The following NCSTN variants were observed in gnomAD, a reference collection of about 807,000 sequenced individuals.
The protein encoded by NCSTN is nicastrin.
In NCSTN, 22 loss-of-function variants were observed where a neutral mutation model predicts 87.0. The observed-to-expected ratio is 0.25, with a 90% CI of 0.18 to 0.36. NCSTN has a LOEUF of 0.36. NCSTN is among the 10% of genes least tolerant of loss of function. The pLI, the probability that NCSTN is intolerant of heterozygous loss-of-function variation, is 1.00. For synonymous variants in NCSTN, 306 were observed against 327.1 expected, an observed-to-expected ratio of 0.94 and a Z score of 0.69; for missense variants, 693 against 883.3, an observed-to-expected ratio of 0.78 and a Z score of 2.73.
At chr1:160,351,153 C>T (rs1648814967) in intron 5 of NCSTN, 69 bp from the exon 6 acceptor site, 1 of 1,553,812 alleles carries the variant, frequency 6.4e-7, no homozygotes, top group Non-Finnish European at 8.9e-7. Context: ...CTGGGCCCTC[C>T]TCCTTCTGGG....
Position 160,349,018 on chromosome 1 carries a change from A to G in NCSTN, c.210A>G (p.Thr70=), listed in dbSNP as rs140668578. ...IGCQSSISGD[T]GVIHVVEKEE... The stretch of plus-strand genomic sequence containing the variant: ...TGGCAGCTTCAATTAGTGGAGACAC[A>G]GGGGTTATCCACGTAGTAGAGAAAG... Residue 70 remains threonine, a synonymous_variant, in exon 3 of 17, where the codon ACA becomes ACG. Coordinates refer to ENST00000294785, the MANE Select transcript of NCSTN (RefSeq NM_015331.3). The G allele has an allele frequency of 2.1e-4, 334 of 1,614,180 alleles. 1 individual carries two copies. The African/African-American group carries it at 3.6e-3, about 18-fold the overall frequency.
chr1:160,348,349 C>T (rs1174174122), intron 2 of NCSTN, among the ~76,000 whole-genome samples: 2 of 152,136 alleles, frequency 1.3e-5, no homozygotes, highest in Non-Finnish European at 2.9e-5. Context: ...TTCAGGGCAT[C>T]CTGGGGTAAA....
chr1:160,357,366 C>T lies in NCSTN; in HGVS notation c.2007+113C>T. Reference sequence around the variant, plus strand: ...TTTGCCCCACATTTGTAGCAAAAGCCTACTGCAAATCTGTCCCTGGTCAGC... The same window carrying T: ...TTTGCCCCACATTTGTAGCAAAAGCTTACTGCAAATCTGTCCCTGGTCAGC... On this transcript the variant is annotated intron_variant, in intron 16 of 16. Coordinates refer to ENST00000294785, the MANE Select transcript of NCSTN (RefSeq NM_015331.3). 3.6e-6 allele frequency: 4 copies of T among 1,125,612 alleles called. No homozygotes were observed. In the Admixed American group the frequency reaches 6.0e-5, roughly 17 times the overall value. 69.7% of individuals were successfully genotyped at this position (1,125,612 alleles called of 1,614,324 possible).
intron 2 of NCSTN, among the ~76,000 whole-genome samples, chr1:160,347,633 A>G (rs1648573633): frequency 6.6e-6 from 1 of 151,778 alleles, no homozygotes; most frequent in Non-Finnish European, 1.5e-5. Flanking sequence ...TGTGTGTGTC[A>G]GAGTCTCACT....
At chr1:160,351,075 C>T (rs1240003585) in intron 5 of NCSTN, 147 bp from the exon 6 acceptor site, 1 of 835,808 alleles carries the variant, frequency 1.2e-6, no homozygotes, top group African/African-American at 1.7e-5. Flanking sequence ...TATGGTGGTT[C>T]TAGGATAACT....
At chr1:160,352,025 TC>T (rs1157569196) in intron 7 of NCSTN, 28 bp from the exon 8 acceptor site, 1 of 1,613,032 alleles carries the variant, frequency 6.2e-7, no homozygotes. Context: ...AAAGTATATA[TC>T]CCCTGACTTT....
chr1:160,355,913 A>T lies in NCSTN; in HGVS notation c.1506A>T (p.Ala502=). Residue 502 remains alanine, a synonymous_variant, in exon 13 of 17, where the codon GCA becomes GCT. Coordinates refer to ENST00000294785, the MANE Select transcript of NCSTN (RefSeq NM_015331.3). ...TVLGRALYEL[A]GGTNFSDTVQ... is the part of the protein sequence containing the mutation. ...TGGGACGTGCTCTGTATGAGCTTGC[A>T]GGAGGAACCAACTTCAGCGACACAG... 6.2e-7 allele frequency: 1 copy of T among 1,614,234 alleles called. No homozygotes were observed. Among genetic ancestry groups the T allele is most frequent in the Non-Finnish European group, 8.5e-7 (1 of 1,180,038 alleles).
Position 160,351,381 on chromosome 1 carries a change from G to C in NCSTN, c.733+9G>C, listed in dbSNP as rs746650569. On this transcript the variant is annotated intron_variant, in intron 6 of 16. Coordinates refer to ENST00000294785, the MANE Select transcript of NCSTN (RefSeq NM_015331.3). ...CTTCAGCATCAACCCAGGTAGGGCAGATCCGAACCATGAGGGTAATGGAAT... is the reference window on the plus strand; with the variant it reads ...CTTCAGCATCAACCCAGGTAGGGCACATCCGAACCATGAGGGTAATGGAAT... 1.9e-6 allele frequency: 3 copies of C among 1,613,998 alleles called. No individual in the cohort carries two copies. The highest frequency in any genetic ancestry group is 1.1e-5 in the South Asian group (1 of 91,068).
chr1:160,356,795 T>C (rs1478930531), intron 15 of NCSTN, 41 bp downstream of exon 15: 2 of 1,612,358 alleles, frequency 1.2e-6, no homozygotes. Flanking sequence ...GGGGCCCCTT[T>C]CCCTTGGGAA....
At position 160,344,802 on chromosome 1, in the gene NCSTN, G is replaced by A. The variant is rs1325765596; in HGVS notation, c.166G>A (p.Ala56Thr). ...KTAPCVRLLN[A>T]THQIGCQSSI... ...AGCTCCCTGTGTTCGCCTGCTCAAC[G>A]CCACTCATCAGATTGGCTGCCAGTG... Residue 56 changes from alanine to threonine, a missense_variant, in exon 2 of 17, where the codon GCC becomes ACC. Physicochemically the swap from Ala to Thr is moderately conservative, Grantham distance 58 (BLOSUM62 0). This residue lies in a region of NCSTN where 235 missense variants were observed against 233.9 expected (regional missense o/e 1.00). Coordinates refer to ENST00000294785, the MANE Select transcript of NCSTN (RefSeq NM_015331.3). The A allele has an allele frequency of 4.3e-6, 7 of 1,613,796 alleles. No homozygotes were observed. Among genetic ancestry groups the A allele is most frequent in the African/African-American group, 1.3e-5 (1 of 74,880 alleles).
chr1:160,347,782 G>T (rs1255647443), intron 2 of NCSTN, among the ~76,000 whole-genome samples: 1 of 152,196 alleles, frequency 6.6e-6, no homozygotes, highest in African/African-American at 2.4e-5. Context: ...GCTAATTTTT[G>T]TATTTTTAGT....
At position 160,349,030 on chromosome 1, in the gene NCSTN, C is replaced by T. The variant is rs11547486; in HGVS notation, c.222C>T (p.His74=). ...TTAGTGGAGACACAGGGGTTATCCA[C>T]GTAGTAGAGAAAGAGGAGGACCTAC... is the stretch of plus-strand genomic sequence containing the variant. ...SSISGDTGVI[H]VVEKEEDLQW... Residue 74 remains histidine (H), a synonymous_variant, in exon 3 of 17, where the codon CAC becomes CAT. Coordinates refer to ENST00000294785, the MANE Select transcript of NCSTN (RefSeq NM_015331.3). 1.3e-4 allele frequency: 216 copies of T among 1,614,154 alleles called. No individual in the cohort carries two copies. The highest frequency in any genetic ancestry group is 1.3e-3 in the African/African-American group (100 of 75,052).
chr1:160,349,892 T>C (rs1648743142), intron 4 of NCSTN, among the ~76,000 whole-genome samples: 2 of 152,208 alleles, frequency 1.3e-5, no homozygotes, highest in Non-Finnish European at 2.9e-5. Flanking sequence ...TTTTGTCACG[T>C]GTTCACATCC....
chr1:160,347,008 A>C (rs1045193368), intron 2 of NCSTN, among the ~76,000 whole-genome samples: 2 of 152,264 alleles, frequency 1.3e-5, no homozygotes, highest in Admixed American at 6.5e-5. Flanking sequence ...TATAAAGTAC[A>C]GAAGGCCAGG....
At chr1:160,355,587 A>G in intron 11 of NCSTN, 68 bp from the exon 12 acceptor site, 1 of 1,142,350 alleles carries the variant, frequency 8.8e-7, no homozygotes, top group Non-Finnish European at 1.3e-6. Flanking sequence ...CATAAGGAGC[A>G]TTTGAGGGAG....
Position 160,344,757 on chromosome 1 carries a change from T to C in NCSTN, c.121T>C (p.Tyr41His), listed in dbSNP as rs1207593754. 1.9e-6 allele frequency: 3 copies of C among 1,614,166 alleles called. No individual in the cohort carries two copies. The highest frequency in any genetic ancestry group is 1.7e-6 in the Non-Finnish European group (2 of 1,180,008). Residue 41 changes from tyrosine (Y) to histidine (H), a missense_variant, in exon 2 of 17, where the codon TAT becomes CAT. Transcript: ENST00000294785. ...CRGNSVERKI[Y>H]IPLNKTAPCV... is the part of the protein sequence containing the mutation. ...GGGAAACTCAGTGGAGAGGAAGATA[T>C]ATATCCCCTTAAATAAAACAGCTCC...
chr1:160,358,438 A>G lies in NCSTN; in HGVS notation c.*167A>G. 2.2e-6 allele frequency: 2 copies of G among 891,020 alleles called. No individual in the cohort carries two copies. Among genetic ancestry groups the G allele is most frequent in the Admixed American group, 2.0e-5 (1 of 49,222 alleles). The allele number at this position is 891,020 out of a possible 1,614,324, so 55.2% of individuals were successfully genotyped here. Reference sequence around the variant, plus strand: ...AAAAGAGACAGGGAGAAATAAATAAATTGCCTCCCTTCCTCCGCTCCCCTT... The same window carrying G: ...AAAAGAGACAGGGAGAAATAAATAAGTTGCCTCCCTTCCTCCGCTCCCCTT... On this transcript the variant is annotated 3_prime_UTR_variant, in exon 17 of 17. Coordinates refer to ENST00000294785, the MANE Select transcript of NCSTN (RefSeq NM_015331.3).
At chr1:160,350,342 C>T (rs1263513056) in intron 5 of NCSTN, 92 bp downstream of exon 5, 3 of 1,475,152 alleles carry the variant, frequency 2.0e-6, no homozygotes, top group Non-Finnish European at 2.8e-6. Flanking sequence ...GTCCCAGCCA[C>T]CCGGGAGGCT....
intron 2 of NCSTN, 84 bp from the exon 3 acceptor site, chr1:160,348,915 G>A: frequency 6.4e-7 from 1 of 1,574,470 alleles, no homozygotes; most frequent in Non-Finnish European, 8.7e-7. Flanking sequence ...CATCTTTAGG[G>A]GATAAAAGAT....
Sources: gnomAD v4.1 joint callset for allele counts (sites outside exome capture counted in the v4.1 genomes callset) on GRCh38, gnomAD v4.1.1 for gene constraint, gnomAD v4.1.1 regional missense constraint, MANE v1.5 for transcripts, NCBI Gene and HGNC (gene_info 2026-07-23, HGNC 2026-07-21) for gene names.